Variants in PCSK6 observed in about 807,000 individuals in gnomAD.
The protein encoded by PCSK6 is paired basic amino acid cleaving enzyme 4.
A neutral mutation model predicts 123.3 loss-of-function variants in PCSK6; 85 were observed. The ratio of observed to expected loss-of-function variants is 0.69; its 90% CI spans 0.58 to 0.83. The LOEUF is 0.83. Ranked by LOEUF, PCSK6 falls within the 40% of genes least tolerant of loss-of-function variation. PCSK6 has a pLI of 0.00. For synonymous variants in PCSK6, 508 were observed against 516.0 expected, an observed-to-expected ratio of 0.98 and a Z score of 0.21; for missense variants, 1,191 against 1,282.3, an observed-to-expected ratio of 0.93 and a Z score of 1.09.
intron 1 of PCSK6, among the ~76,000 whole-genome samples, chr15:101,475,959 TTGGGAGA>T (rs980360445): frequency 6.6e-6 from 1 of 152,184 alleles, no homozygotes; most frequent in African/African-American, 2.4e-5. Context: ...GCACTATCTG[TTGGGAGA>T]GCCATGGCCA....
At chr15:101,319,089 G>C (rs577780472) in intron 18 of PCSK6, among the ~76,000 whole-genome samples, 2 of 152,306 alleles carry the variant, frequency 1.3e-5, no homozygotes, top group South Asian at 4.1e-4. Context: ...CCCAGTGTTC[G>C]ACCCCAAGCA....
intron 11 of PCSK6, among the ~76,000 whole-genome samples, chr15:101,379,234 C>T (rs1378632976): frequency 6.6e-6 from 1 of 152,246 alleles, no homozygotes; most frequent in African/African-American, 2.4e-5. Flanking sequence ...TGGCCATATT[C>T]CAGCCCACGG....
At chr15:101,361,258 T>G (rs2041214600) in intron 13 of PCSK6, among the ~76,000 whole-genome samples, 1 of 152,128 alleles carries the variant, frequency 6.6e-6, no homozygotes, top group South Asian at 2.1e-4. Context: ...TAAATCTTGA[T>G]TATCTCTCTA....
chr15:101,306,460 C>A (rs80296774), intron 21 of PCSK6, among the ~76,000 whole-genome samples: 1,867 of 152,314 alleles, frequency 0.012, 35 homozygotes, highest in African/African-American at 0.043. Flanking sequence ...CCAAGGACCA[C>A]CTGCCCTGAC....
intron 6 of PCSK6, among the ~76,000 whole-genome samples, chr15:101,421,230 G>T (rs927693075): frequency 3.3e-5 from 5 of 152,214 alleles, no homozygotes; most frequent in African/African-American, 1.2e-4. Context: ...ACAGGCATGA[G>T]CCACCACGCC....
chr15:101,419,532 C>T (rs1185598514), intron 6 of PCSK6, among the ~76,000 whole-genome samples: 1 of 118,258 alleles, frequency 8.5e-6, no homozygotes, highest in Admixed American at 8.8e-5. Context: ...AAAATCCCAA[C>T]AGGGCTTTTT....
At chr15:101,391,233 C>A (rs1192874415) in intron 8 of PCSK6, among the ~76,000 whole-genome samples, 6 of 152,194 alleles carry the variant, frequency 3.9e-5, no homozygotes, top group Admixed American at 2.6e-4. Flanking sequence ...CAAATGGACA[C>A]CATGATATAG....
At position 101,398,085 on chromosome 15, in the gene PCSK6, C is replaced by A. The variant is rs1448484861; in HGVS notation, c.996+319G>T. ...AACAGGCCAGGTGAGCTGCCTTAGA[C>A]CCCCGTCACCCACCTGTGTACCCCC... On this transcript the variant is annotated intron_variant, in intron 7 of 21. Transcript: ENST00000611716. This position sits in a 1 kb window ranked among gnomAD's most constrained non-coding sequence, Gnocchi z 4.6. Among the ~76,000 whole-genome samples the A allele has an allele frequency of 2.0e-5, 3 of 152,228 alleles. No homozygotes were observed. Among genetic ancestry groups the A allele is most frequent in the Admixed American group, 1.3e-4 (2 of 15,290 alleles).
At chr15:101,471,453 T>G (rs2057602476) in intron 1 of PCSK6, among the ~76,000 whole-genome samples, 1 of 152,276 alleles carries the variant, frequency 6.6e-6, no homozygotes, top group African/African-American at 2.4e-5. Context: ...ACCTTGATTC[T>G]ACCATTAACA....
At chr15:101,353,195 G>C (rs547344783) in intron 13 of PCSK6, among the ~76,000 whole-genome samples, 5 of 152,182 alleles carry the variant, frequency 3.3e-5, no homozygotes, top group African/African-American at 1.2e-4. Flanking sequence ...GTCCCGTCTG[G>C]GGGTGATGGG....
chr15:101,489,353 C>A, intron 1 of PCSK6, 21 bp downstream of exon 1: 1 of 1,140,142 alleles, frequency 8.8e-7, no homozygotes, highest in South Asian at 2.6e-5. Flanking sequence ...GTTTTGGGCG[C>A]GCGGGGCCGG....
intron 6 of PCSK6, among the ~76,000 whole-genome samples, chr15:101,406,887 G>A (rs140474769): frequency 3.9e-5 from 6 of 152,306 alleles, no homozygotes; most frequent in East Asian, 1.9e-4. Flanking sequence ...AGCCAGCGAC[G>A]CTCCTTATGG....
rs150408168 is a variant in PCSK6, at chr15:101,452,414, C to G, written c.298-8754G>C. 3.2e-3 allele frequency among the ~76,000 whole-genome samples: 495 copies of G among 152,314 alleles called. 10 individuals are homozygous for G. In the South Asian group the frequency reaches 0.04, roughly 12 times the overall value. On this transcript the variant is annotated intron_variant, in intron 1 of 21. Transcript: ENST00000611716. ...CGGCTGTCTGGAATTAGTTGTTTTA[C>G]CGGATTCCTAAATCCAATGCCTCTT...
At chr15:101,362,318 C>T (rs2041255418) in intron 13 of PCSK6, among the ~76,000 whole-genome samples, 1 of 152,188 alleles carries the variant, frequency 6.6e-6, no homozygotes, top group South Asian at 2.1e-4. Context: ...GTCTAAGGTG[C>T]ACAAGCTCAG....
chr15:101,351,718 A>G (rs1280458130), intron 13 of PCSK6, among the ~76,000 whole-genome samples: 1 of 152,182 alleles, frequency 6.6e-6, no homozygotes, highest in Non-Finnish European at 1.5e-5. Context: ...TAGTTGTTAA[A>G]TATTTACCAG....
At chr15:101,473,815 C>T (rs1346577791) in intron 1 of PCSK6, among the ~76,000 whole-genome samples, 3 of 152,092 alleles carry the variant, frequency 2.0e-5, no homozygotes, top group African/African-American at 4.8e-5. Flanking sequence ...GCAGAGGTTG[C>T]GGTAAGCTGA....
intron 1 of PCSK6, among the ~76,000 whole-genome samples, chr15:101,445,696 C>T (rs1466663474): frequency 6.6e-6 from 1 of 152,210 alleles, no homozygotes; most frequent in Non-Finnish European, 1.5e-5. Context: ...CATAAGCTGC[C>T]ATCATCCCTG....
At chr15:101,424,126 T>C (rs1213797870) in intron 6 of PCSK6, among the ~76,000 whole-genome samples, 1 of 151,954 alleles carries the variant, frequency 6.6e-6, no homozygotes, top group Non-Finnish European at 1.5e-5. Context: ...TCCCAGATAC[T>C]TGGGAGGCTC....
intron 12 of PCSK6, among the ~76,000 whole-genome samples, chr15:101,369,266 T>C (rs1261588706): frequency 6.6e-6 from 1 of 152,258 alleles, no homozygotes; most frequent in Non-Finnish European, 1.5e-5. Context: ...CTGAGTCAAT[T>C]ACCCTGTCTC....
Sources: gnomAD v4.1 joint callset for allele counts (sites outside exome capture counted in the v4.1 genomes callset) on GRCh38, gnomAD v4.1.1 for gene constraint, Gnocchi (gnomAD v3.1) non-coding constraint, MANE v1.5 for transcripts, NCBI Gene and HGNC (gene_info 2026-07-23, HGNC 2026-07-21) for gene names.